KIAA1217: variants seen among roughly 807,000 people sequenced by gnomAD.
KIAA1217 encodes sickle tail protein homolog.
In KIAA1217, 88 loss-of-function variants were observed where a neutral mutation model predicts 163.9. The observed-to-expected ratio is 0.54, with a 90% CI of 0.45 to 0.64. KIAA1217 has a LOEUF of 0.64. Ranked by LOEUF, KIAA1217 falls within the 30% of genes least tolerant of loss-of-function variation. The pLI is 0.00. For missense variants in KIAA1217, 2,372 were observed against 2,475.0 expected (o/e 0.96, Z 0.88); for synonymous variants, 903 against 923.1 (o/e 0.98, Z 0.39).
chr10:24,145,911 C>G (rs2064288555), intron 2 of KIAA1217, among the ~76,000 whole-genome samples: 1 of 152,194 alleles, frequency 6.6e-6, no homozygotes, highest in African/African-American at 2.4e-5. Flanking sequence ...TAGATGTGCC[C>G]ATCCAGATTG....
intron 2 of KIAA1217, among the ~76,000 whole-genome samples, chr10:24,067,492 G>A (rs548088250): frequency 1.2e-4 from 18 of 152,128 alleles, no homozygotes; most frequent in Non-Finnish European, 1.9e-4. Context: ...CTGCCTGATC[G>A]CTCCTCTGGA....
chr10:24,234,656 CAAAAAAAAAAA>C lies in KIAA1217; in HGVS notation c.354+14760_354+14770del, dbSNP rs71397938. On this transcript the variant is annotated intron_variant, in intron 2 of 20. Coordinates refer to ENST00000376454, the MANE Select transcript of KIAA1217 (RefSeq NM_019590.5). The stretch of plus-strand genomic sequence containing the variant: ...CCTGGGTGACAGAGCAAAACTGTCT[CAAAAAAAAAAA>C]AAAAAAAAAAAAGAAACTACATACA... 8.0e-3 allele frequency among the ~76,000 whole-genome samples: 587 copies of C among 73,398 alleles called. 10 individuals are homozygous for C. The highest frequency in any genetic ancestry group is 0.066 in the Admixed American group (400 of 6,106). The allele number at this position is 73,398 out of a possible 152,430, so 48.2% of individuals were successfully genotyped here.
At position 24,443,925 on chromosome 10, in the gene KIAA1217, A is replaced by T. The variant is rs150363159; in HGVS notation, c.846+5446A>T. Among the ~76,000 whole-genome samples, 775 of 152,280 alleles carry T rather than the reference A, an allele frequency of 5.1e-3. 10 individuals are homozygous for T. Among genetic ancestry groups the T allele is most frequent in the African/African-American group, 0.018 (746 of 41,550 alleles). ...ATGGTAAAATGTTGAAAAATGTCAA[A>T]GCTGGATGATGGGGGTACCTTTTAT... On this transcript the variant is annotated intron_variant, in intron 5 of 20. Coordinates refer to ENST00000376454, the MANE Select transcript of KIAA1217 (RefSeq NM_019590.5).
At chr10:24,072,435 A>G (rs2061219961) in intron 2 of KIAA1217, among the ~76,000 whole-genome samples, 2 of 152,216 alleles carry the variant, frequency 1.3e-5, no homozygotes, top group Admixed American at 6.5e-5. Context: ...ATTAGAGAAG[A>G]AGAAATAAAT....
chr10:24,398,613 C>T (rs1169373242), intron 3 of KIAA1217, among the ~76,000 whole-genome samples: 1 of 152,042 alleles, frequency 6.6e-6, no homozygotes, highest in African/African-American at 2.4e-5. Context: ...CCTTGGAGCT[C>T]AAGTGTGGCA....
Position 23,788,014 on chromosome 10 carries a change from C to T in KIAA1217, c.-321+92780C>T, listed in dbSNP as rs886349047. 4.6e-5 allele frequency among the ~76,000 whole-genome samples: 7 copies of T among 151,850 alleles called. 1 individual carries two copies. Among genetic ancestry groups the T allele is most frequent in the African/African-American group, 1.7e-4 (7 of 41,338 alleles). ...GTTCAGGCCAGCTTGGGCAACAAAG[C>T]GACACCCTATCTCTACAAAACAAAA... is the stretch of plus-strand genomic sequence containing the variant. On this transcript the variant is annotated intron_variant, in intron 1 of 18. Transcript: ENST00000376462.
At chr10:23,749,831 C>T (rs1490566091) in intron 1 of KIAA1217, among the ~76,000 whole-genome samples, 1 of 152,170 alleles carries the variant, frequency 6.6e-6, no homozygotes, top group Non-Finnish European at 1.5e-5. Context: ...CTTGTGAGGT[C>T]CAGACAGTTA....
intron 2 of KIAA1217, among the ~76,000 whole-genome samples, chr10:24,257,380 T>C (rs2075276721): frequency 6.6e-6 from 1 of 152,170 alleles, no homozygotes; most frequent in African/African-American, 2.4e-5. Flanking sequence ...CAAATTCCCC[T>C]GAGGCCCACA....
Position 23,798,184 on chromosome 10 carries a change from A to G in KIAA1217, c.-321+102950A>G, listed in dbSNP as rs149503626. Among the ~76,000 whole-genome samples, 838 of 152,286 alleles carry G rather than the reference A, an allele frequency of 5.5e-3. 6 individuals carry two copies. Among genetic ancestry groups the G allele is most frequent in the African/African-American group, 0.017 (711 of 41,558 alleles). On this transcript the variant is annotated intron_variant, in intron 1 of 18. Transcript: ENST00000376462. Reference sequence around the variant, plus strand: ...CAGTCCCTCAAGGCCTGGCCTATGAACCAGCATTTTGCATTCTATGGGTGA... The same window carrying G: ...CAGTCCCTCAAGGCCTGGCCTATGAGCCAGCATTTTGCATTCTATGGGTGA...
chr10:23,779,279 C>T (rs1373853053), intron 1 of KIAA1217, among the ~76,000 whole-genome samples: 1 of 152,174 alleles, frequency 6.6e-6, no homozygotes, highest in African/African-American at 2.4e-5. Context: ...TTTTTAAATT[C>T]TTATGACAAA....
chr10:24,304,129 A>ATT (rs5783885), intron 2 of KIAA1217, among the ~76,000 whole-genome samples: 11,531 of 136,848 alleles, frequency 0.084, 663 homozygotes, highest in East Asian at 0.23. Flanking sequence ...AATCCTCCAC[A>ATT]TTTTTTTTTT....
rs796144519 is a variant in KIAA1217 at position 23,993,598 on chromosome 10, T to TAGACTGGA, written c.-320-13626_-320-13619dup. Among the ~76,000 whole-genome samples, 432 of 131,542 alleles carry TAGACTGGA rather than the reference T, an allele frequency of 3.3e-3. 3 individuals are homozygous for TAGACTGGA. The highest frequency in any genetic ancestry group is 0.012 in the African/African-American group (394 of 32,566). 86.3% of individuals were successfully genotyped at this position (131,542 alleles called of 152,430 possible). A position where few individuals can be genotyped will look rare whatever the true frequency, so the allele number is the denominator to read the frequency against. ...TGAGACAGAGTCTCATTCTGTTGCC[T>TAGACTGGA]AGACTGGAGTGCAGTGGCATGATCT... is the stretch of plus-strand genomic sequence containing the variant. On this transcript the variant is annotated intron_variant, in intron 1 of 18. Coordinates refer to the KIAA1217 transcript ENST00000376462.
chr10:24,358,704 C>G (rs753291220), intron 2 of KIAA1217, among the ~76,000 whole-genome samples: 60 of 152,206 alleles, frequency 3.9e-4, no homozygotes, highest in Non-Finnish European at 7.6e-4. Flanking sequence ...ATAGTGAAAA[C>G]TGGCTGAATA....
intron 2 of KIAA1217, among the ~76,000 whole-genome samples, chr10:24,193,846 A>AC (rs1491533178): frequency 7.3e-5 from 10 of 136,088 alleles, no homozygotes; most frequent in African/African-American, 1.4e-4. Flanking sequence ...ACACACACAC[A>AC]AAGCAGTCAC....
In KIAA1217 at chr10:24,473,465, C is replaced by G; in HGVS notation, c.1084C>G (p.Pro362Ala). 1 of 1,614,196 alleles carries G rather than the reference C, an allele frequency of 6.2e-7. No individual in the cohort carries two copies. Among genetic ancestry groups the G allele is most frequent in the South Asian group, 1.1e-5 (1 of 91,074 alleles). The stretch of plus-strand genomic sequence containing the variant: ...CCTGCCAGTCTCCAGACCCATCTCT[C>G]CAAGCCCAAGCGCCATTTTAGAAAG... Reference protein sequence around the residue: ...SSLPVSRPISPSPSAILERRD... With the variant: ...SSLPVSRPISASPSAILERRD... The change falls in exon 6 of 21, where the codon CCA (proline) becomes GCA (alanine). Residue 362 changes from proline (P) to alanine (A), a missense_variant. Around this residue, in one of 3 missense-constraint regions of KIAA1217, gnomAD observed 1,431 missense variants for 1,470.3 expected, o/e 0.97. Coordinates refer to ENST00000376454, the MANE Select transcript of KIAA1217 (RefSeq NM_019590.5).
chr10:24,388,511 T>C (rs1025574623), intron 3 of KIAA1217, among the ~76,000 whole-genome samples: 4 of 152,144 alleles, frequency 2.6e-5, no homozygotes, highest in African/African-American at 9.7e-5. Context: ...AAAGACTTCA[T>C]GACTAAAACA....
At chr10:24,539,422 G>C (rs2074659946) in intron 17 of KIAA1217, among the ~76,000 whole-genome samples, 1 of 151,858 alleles carries the variant, frequency 6.6e-6, no homozygotes, top group South Asian at 2.1e-4. Context: ...TTAGAGATAG[G>C]GTTTCACCTT....
chr10:24,048,926 G>C (rs1849268578), intron 2 of KIAA1217, among the ~76,000 whole-genome samples: 1 of 150,414 alleles, frequency 6.6e-6, no homozygotes, highest in Admixed American at 6.6e-5. Flanking sequence ...AGCTACTCAG[G>C]TGGCTGAGGC....
chr10:23,868,597 G>T (rs2131155062), intron 1 of KIAA1217, among the ~76,000 whole-genome samples: 1 of 152,190 alleles, frequency 6.6e-6, no homozygotes, highest in South Asian at 2.1e-4. Flanking sequence ...TCCAACATCT[G>T]CAGCCTGCAT....
Sources: gnomAD v4.1 joint callset for allele counts (sites outside exome capture counted in the v4.1 genomes callset) on GRCh38, gnomAD v4.1.1 for gene constraint, gnomAD v4.1.1 regional missense constraint, MANE v1.5 for transcripts, NCBI Gene and HGNC (gene_info 2026-07-23, HGNC 2026-07-21) for gene names.